The following IL1RAPL1 variants were observed in gnomAD, a reference collection of about 807,000 sequenced individuals.
The protein encoded by IL1RAPL1 is interleukin-1 receptor accessory protein-like 1.
In IL1RAPL1, 3 loss-of-function variants were observed where a neutral mutation model predicts 48.4. The ratio of observed to expected loss-of-function variants is 0.06; its 90% CI spans 0.03 to 0.16. The LOEUF is 0.16. Among genes scored for constraint, IL1RAPL1 ranks in the 10% least tolerant of loss-of-function variants. The pLI is 1.00. For synonymous variants in IL1RAPL1, 185 were observed against 187.7 expected (o/e 0.99, Z 0.12); for missense variants, 349 against 530.6 (o/e 0.66, Z 3.36).
intron 3 of IL1RAPL1, among the ~76,000 whole-genome samples, chrX:29,315,521 T>TTTA (rs758736994): frequency 6.7e-4 from 75 of 111,745 alleles, no homozygotes; most frequent in Middle Eastern, 4.6e-3. Flanking sequence ...TTTTTGTGTG[T>TTTA]GTTTTATTTG....
intron 1 of IL1RAPL1, among the ~76,000 whole-genome samples, chrX:28,760,409 C>T (rs1936155506): frequency 9.0e-6 from 1 of 111,550 alleles, no homozygotes; most frequent in Non-Finnish European, 1.9e-5. Context: ...GTCAACCAAA[C>T]AAATGTCTTA....
intron 3 of IL1RAPL1, among the ~76,000 whole-genome samples, chrX:29,288,595 A>G (rs1310678081): frequency 1.8e-5 from 2 of 112,021 alleles, no homozygotes; most frequent in Admixed American, 9.5e-5. Flanking sequence ...TGTTTTTGCT[A>G]TTGTGAGTAG....
intron 6 of IL1RAPL1, among the ~76,000 whole-genome samples, chrX:29,896,507 A>G (rs1163237636): frequency 1.8e-5 from 2 of 112,494 alleles, no homozygotes; most frequent in Non-Finnish European, 3.8e-5. Flanking sequence ...ATAGATACAC[A>G]TATATTTTAC....
At chrX:29,846,791 TATATGTATATAC>T (rs1384721205) in intron 6 of IL1RAPL1, among the ~76,000 whole-genome samples, 6 of 41,508 alleles carry the variant, frequency 1.4e-4, no homozygotes, top group African/African-American at 7.5e-4. Flanking sequence ...TATATGTATA[TATATGTATATAC>T]ACACACACAC....
chrX:29,504,111 G>A (rs755237861), intron 5 of IL1RAPL1, among the ~76,000 whole-genome samples: 12 of 109,989 alleles, frequency 1.1e-4, no homozygotes, highest in African/African-American at 4.0e-4. Flanking sequence ...CAGGCACCCC[G>A]AGCCTGAATT....
intron 6 of IL1RAPL1, among the ~76,000 whole-genome samples, chrX:29,827,622 T>C (rs964591318): frequency 1.2e-4 from 14 of 112,068 alleles, no homozygotes; most frequent in African/African-American, 4.2e-4. Context: ...AAGCAAGACC[T>C]GCAGATTTAA....
At chrX:29,884,071 T>C (rs1932086486) in intron 6 of IL1RAPL1, among the ~76,000 whole-genome samples, 1 of 111,559 alleles carries the variant, frequency 9.0e-6, no homozygotes, top group African/African-American at 3.3e-5. Flanking sequence ...AGGAATTTGG[T>C]AGACACACAT....
At chrX:28,692,101 C>T (rs980842887) in intron 1 of IL1RAPL1, among the ~76,000 whole-genome samples, 3 of 110,416 alleles carry the variant, frequency 2.7e-5, no homozygotes, top group African/African-American at 9.9e-5. Flanking sequence ...TTTTTAAAAA[C>T]CCCCTTTTTT....
chrX:29,437,384 T>G (rs1934493778), intron 5 of IL1RAPL1, among the ~76,000 whole-genome samples: 2 of 110,906 alleles, frequency 1.8e-5, no homozygotes, highest in African/African-American at 6.5e-5. Flanking sequence ...CTTTCCTAGC[T>G]ACGTATATTT....
chrX:29,879,708 A>G (rs754131169), intron 6 of IL1RAPL1, among the ~76,000 whole-genome samples: 1 of 110,159 alleles, frequency 9.1e-6, no homozygotes, highest in East Asian at 2.8e-4. Context: ...GAATTGGTAA[A>G]GGTGCTTTTC....
intron 6 of IL1RAPL1, among the ~76,000 whole-genome samples, chrX:29,806,444 A>T (rs751820895): frequency 3.8e-4 from 43 of 111,778 alleles, no homozygotes; most frequent in Non-Finnish European, 7.7e-4. Context: ...TCCAATTATG[A>T]TTTTCTTCCT....
At chrX:29,608,795 C>T (rs1407826563) in intron 5 of IL1RAPL1, among the ~76,000 whole-genome samples, 1 of 107,340 alleles carries the variant, frequency 9.3e-6, no homozygotes, top group Admixed American at 1.0e-4. Context: ...CACTGCACTC[C>T]AGCCTGGGCG....
At chrX:29,628,385 G>C (rs986124653) in intron 5 of IL1RAPL1, among the ~76,000 whole-genome samples, 13 of 111,885 alleles carry the variant, frequency 1.2e-4, no homozygotes, top group African/African-American at 4.2e-4. Flanking sequence ...GCGTGACACT[G>C]ATAACTGCTG....
At chrX:29,324,613 A>G (rs1362642213) in intron 3 of IL1RAPL1, among the ~76,000 whole-genome samples, 1 of 111,559 alleles carries the variant, frequency 9.0e-6, no homozygotes, top group Non-Finnish European at 1.9e-5. Context: ...ACATAAAGGT[A>G]GGGGGTAAGT....
intron 6 of IL1RAPL1, among the ~76,000 whole-genome samples, chrX:29,823,910 T>C (rs1453993124): frequency 8.9e-6 from 1 of 111,975 alleles, no homozygotes; most frequent in African/African-American, 3.2e-5. Flanking sequence ...TCCTTTGGGA[T>C]AGCTAGTTCC....
At chrX:28,722,988 G>T (rs1038059417) in intron 1 of IL1RAPL1, among the ~76,000 whole-genome samples, 3 of 111,367 alleles carry the variant, frequency 2.7e-5, no homozygotes, top group Non-Finnish European at 5.7e-5. Context: ...TGCTGGATTC[G>T]GTTTGCCAGT....
intron 5 of IL1RAPL1, among the ~76,000 whole-genome samples, chrX:29,400,120 T>C (rs1413197976): frequency 8.9e-6 from 1 of 111,842 alleles, no homozygotes; most frequent in Non-Finnish European, 1.9e-5. Flanking sequence ...ATGTGATGCA[T>C]AGAGTCATTT....
intron 2 of IL1RAPL1, among the ~76,000 whole-genome samples, chrX:28,874,055 C>T (rs753391909): frequency 9.1e-6 from 1 of 109,882 alleles, no homozygotes; most frequent in East Asian, 2.9e-4. Flanking sequence ...ATAAGGAAAT[C>T]CCAATATCTG....
intron 8 of IL1RAPL1, among the ~76,000 whole-genome samples, chrX:29,936,518 AACACACACACACACACAC>A (rs55890071): frequency 4.2e-4 from 39 of 93,476 alleles, no homozygotes; most frequent in Admixed American, 1.3e-3. Context: ...TATATATAGG[AACACACACACACACACAC>A]ACACACACAC....
Sources: gnomAD v4.1 joint callset for allele counts (sites outside exome capture counted in the v4.1 genomes callset) on GRCh38, gnomAD v4.1.1 for gene constraint, MANE v1.5 for transcripts, NCBI Gene and HGNC (gene_info 2026-07-23, HGNC 2026-07-21) for gene names.